FHOD3: variants seen among roughly 807,000 people sequenced by gnomAD.
FHOD3 encodes FH1/FH2 domain-containing protein 3.
Under a neutral mutation model 173.0 loss-of-function variants are expected in FHOD3, and 90 were observed. The ratio of observed to expected loss-of-function variants is 0.52; its 90% confidence interval spans 0.44 to 0.62. FHOD3 has a LOEUF of 0.62. Ranked by LOEUF, FHOD3 falls within the 20% of genes least tolerant of loss-of-function variation. FHOD3 has a pLI of 0.00. For synonymous variants in FHOD3, 828 were observed against 823.0 expected (o/e 1.01, Z -0.10); for missense variants, 1,945 against 2,034.7 (o/e 0.96, Z 0.85).
chr18:36,476,425 C>T (rs1009220442), intron 3 of FHOD3, among the ~76,000 whole-genome samples: 4 of 152,162 alleles, frequency 2.6e-5, no homozygotes, highest in East Asian at 1.9e-4. Flanking sequence ...CTGCACCAGG[C>T]GAGCTCCTCA....
intron 3 of FHOD3, among the ~76,000 whole-genome samples, chr18:36,415,673 A>T (rs911914042): frequency 2.0e-5 from 3 of 152,238 alleles, no homozygotes; most frequent in African/African-American, 7.2e-5. Flanking sequence ...TCATACGGTA[A>T]GTCATTTCCA....
In FHOD3 at chr18:36,554,726, T is replaced by TA. The variant is rs2057803553; in HGVS notation, c.512-21720dup. On this transcript the variant is annotated intron_variant, in intron 5 of 28. Coordinates refer to ENST00000590592, the MANE Select transcript of FHOD3 (RefSeq NM_001281740.3). ...TCTAGTCCTAGCGATCCCTTTCTGG[T>TA]AAAAATTTAACTGCAAATTCTATTT... 2.0e-5 allele frequency among the ~76,000 whole-genome samples: 3 copies of TA among 152,352 alleles called. No individual in the cohort carries two copies. The South Asian group carries it at 6.2e-4, about 32-fold the overall frequency.
intron 5 of FHOD3, among the ~76,000 whole-genome samples, chr18:36,535,567 G>C (rs890658439): frequency 8.5e-5 from 13 of 152,196 alleles, no homozygotes; most frequent in Admixed American, 2.6e-4. Flanking sequence ...GCACTTTGGA[G>C]AGGAAGACCC....
intron 26 of FHOD3, 104 bp downstream of exon 26, chr18:36,759,245 T>C: frequency 8.0e-7 from 1 of 1,247,736 alleles, no homozygotes; most frequent in South Asian, 1.3e-5. Flanking sequence ...CATTCAGTGC[T>C]TTAAACAATG....
intron 6 of FHOD3, among the ~76,000 whole-genome samples, chr18:36,587,817 A>G (rs2059088504): frequency 6.6e-6 from 1 of 152,168 alleles, no homozygotes; most frequent in Non-Finnish European, 1.5e-5. Flanking sequence ...AGCACTATTT[A>G]TTGTTATTTT....
chr18:36,336,896 G>C (rs2045346906), intron 1 of FHOD3, among the ~76,000 whole-genome samples: 1 of 137,686 alleles, frequency 7.3e-6, no homozygotes, highest in Non-Finnish European at 1.5e-5. Flanking sequence ...TCTATGTCGA[G>C]CACGGTGGCT....
At chr18:36,742,300 G>A (rs2041941134) in intron 21 of FHOD3, among the ~76,000 whole-genome samples, 1 of 152,170 alleles carries the variant, frequency 6.6e-6, no homozygotes, top group African/African-American at 2.4e-5. Context: ...GCCGTGGAGT[G>A]CCTTGAGGGG....
chr18:36,438,334 C>T (rs1237920624), intron 3 of FHOD3, among the ~76,000 whole-genome samples: 2 of 152,138 alleles, frequency 1.3e-5, no homozygotes, highest in Non-Finnish European at 2.9e-5. Context: ...TTGCCAAATG[C>T]AGGGAGCTTT....
chr18:36,620,354 A>C (rs1221883177), intron 9 of FHOD3, among the ~76,000 whole-genome samples: 2 of 151,850 alleles, frequency 1.3e-5, no homozygotes, highest in East Asian at 3.9e-4. Flanking sequence ...TCAAACTCCT[A>C]CTCCTGCTGC....
At chr18:36,518,627 A>G (rs8097811) in intron 5 of FHOD3, among the ~76,000 whole-genome samples, 60,849 of 152,096 alleles carry the variant, frequency 0.4, 13,224 homozygotes, top group Non-Finnish European at 0.49. Context: ...AGGTTTAAAG[A>G]TTGTGAATTA....
At chr18:36,426,897 A>G (rs2147174429) in intron 3 of FHOD3, among the ~76,000 whole-genome samples, 1 of 152,286 alleles carries the variant, frequency 6.6e-6, no homozygotes, top group East Asian at 1.9e-4. Flanking sequence ...TTTAATCATC[A>G]CCACCAACCA....
At chr18:36,484,604 A>G (rs1568334067) in intron 3 of FHOD3, among the ~76,000 whole-genome samples, 2 of 152,200 alleles carry the variant, frequency 1.3e-5, no homozygotes. Context: ...CTTCCTTGCA[A>G]AGCAACAGTT....
chr18:36,478,967 C>A (rs899104741), intron 3 of FHOD3, among the ~76,000 whole-genome samples: 12 of 152,280 alleles, frequency 7.9e-5, no homozygotes, highest in Admixed American at 2.0e-4. Context: ...TCTAAATATA[C>A]CTTATACAAC....
chr18:36,525,105 C>T (rs1193262207), intron 5 of FHOD3, among the ~76,000 whole-genome samples: 3 of 152,170 alleles, frequency 2.0e-5, no homozygotes, highest in African/African-American at 7.2e-5. Flanking sequence ...TTAGGCCAGA[C>T]CTGTGAGTAT....
chr18:36,652,019 T>C (rs1004453154), intron 11 of FHOD3, among the ~76,000 whole-genome samples: 5 of 152,214 alleles, frequency 3.3e-5, no homozygotes, highest in African/African-American at 1.2e-4. Flanking sequence ...TTTTAGCTCT[T>C]TGCCTTCCTC....
chr18:36,390,447 G>T (rs1296974164), intron 3 of FHOD3, among the ~76,000 whole-genome samples: 2 of 152,184 alleles, frequency 1.3e-5, no homozygotes, highest in Non-Finnish European at 2.9e-5. Context: ...CCTCGTTGGT[G>T]CCTGCTGTTC....
At chr18:36,532,915 G>A (rs562806305) in intron 5 of FHOD3, among the ~76,000 whole-genome samples, 40 of 152,316 alleles carry the variant, frequency 2.6e-4, no homozygotes, top group Admixed American at 2.4e-3. Flanking sequence ...CCTTCCTAAC[G>A]TGGTCTCTAC....
At chr18:36,674,960 G>C (rs1309733978) in intron 14 of FHOD3, among the ~76,000 whole-genome samples, 1 of 152,164 alleles carries the variant, frequency 6.6e-6, no homozygotes, top group Non-Finnish European at 1.5e-5. Flanking sequence ...GAAATGTACT[G>C]TTACTTCTGG....
At chr18:36,523,284 G>T (rs1164145938) in intron 5 of FHOD3, among the ~76,000 whole-genome samples, 1 of 152,238 alleles carries the variant, frequency 6.6e-6, no homozygotes, top group Non-Finnish European at 1.5e-5. Flanking sequence ...GTTGCTTTTA[G>T]AGGAGGGGCA....
Sources: allele counts gnomAD v4.1 joint callset (sites outside exome capture counted in the v4.1 genomes callset), GRCh38; gene constraint gnomAD v4.1.1; transcripts MANE v1.5; gene names NCBI Gene and HGNC (gene_info 2026-07-23, HGNC 2026-07-21).